The following DLG2 variants were observed in gnomAD, a reference collection of about 807,000 sequenced individuals.
DLG2 encodes the protein disks large homolog 2.
In DLG2, 45 loss-of-function variants were observed where a neutral mutation model predicts 132.5. The ratio of observed to expected loss-of-function variants is 0.34; its 90% CI spans 0.27 to 0.44. DLG2 has a LOEUF of 0.44. Ranked by LOEUF, DLG2 falls within the 20% of genes least tolerant of loss-of-function variation. The probability of loss-of-function intolerance (pLI) is 1.00; values close to 1 mark genes in which losing one functional copy is unlikely to be tolerated. For synonymous variants in DLG2, 424 were observed against 419.6 expected, an observed-to-expected ratio of 1.01 and a Z score of -0.13; for missense variants, 1,045 against 1,196.9, an observed-to-expected ratio of 0.87 and a Z score of 1.87.
At chr11:84,035,596 T>C (rs1267674566) in intron 11 of DLG2, among the ~76,000 whole-genome samples, 1 of 152,114 alleles carries the variant, frequency 6.6e-6, no homozygotes, top group Non-Finnish European at 1.5e-5. Context: ...GCCAAAGAGG[T>C]AGCCAGGGGC....
At chr11:84,482,067 C>T (rs2099139226) in intron 7 of DLG2, among the ~76,000 whole-genome samples, 1 of 152,128 alleles carries the variant, frequency 6.6e-6, no homozygotes, top group African/African-American at 2.4e-5. Flanking sequence ...TTCCAGCATA[C>T]TTCTAATATT....
chr11:84,454,099 G>T (rs1203669284), intron 7 of DLG2, among the ~76,000 whole-genome samples: 1 of 151,514 alleles, frequency 6.6e-6, no homozygotes. Flanking sequence ...AATTCAGGAG[G>T]ACTGAGTTAG....
chr11:83,517,882 G>A (rs1057168411), intron 21 of DLG2, among the ~76,000 whole-genome samples: 2 of 152,196 alleles, frequency 1.3e-5, no homozygotes, highest in African/African-American at 4.8e-5. Flanking sequence ...TCCTCTGGCA[G>A]TGTTGTCTCA....
At chr11:85,542,861 A>C (rs1336635303) in intron 3 of DLG2, among the ~76,000 whole-genome samples, 1 of 152,260 alleles carries the variant, frequency 6.6e-6, no homozygotes, top group Admixed American at 6.5e-5. Context: ...CAATAAGATA[A>C]ATATAAGTTG....
intron 6 of DLG2, among the ~76,000 whole-genome samples, chr11:85,059,135 T>G (rs909966700): frequency 6.6e-6 from 1 of 151,336 alleles, no homozygotes; most frequent in Non-Finnish European, 1.5e-5. Flanking sequence ...TCAGAATACA[T>G]ATAAATCAGT....
At chr11:83,957,637 T>C (rs2087251958) in intron 14 of DLG2, among the ~76,000 whole-genome samples, 1 of 151,676 alleles carries the variant, frequency 6.6e-6, no homozygotes, top group Non-Finnish European at 1.5e-5. Context: ...GAACTTAAAA[T>C]TAGACCTACA....
At chr11:84,093,033 CA>C (rs562763060) in intron 10 of DLG2, among the ~76,000 whole-genome samples, 4,374 of 87,486 alleles carry the variant, frequency 0.05, 153 homozygotes, top group African/African-American at 0.13. Flanking sequence ...GAGTCTCCGT[CA>C]AAAAAAAAAA....
At chr11:83,753,890 TATC>T (rs1446714149) in intron 18 of DLG2, among the ~76,000 whole-genome samples, 1 of 124,318 alleles carries the variant, frequency 8.0e-6, no homozygotes, top group African/African-American at 3.4e-5. Context: ...ATATCATATA[TATC>T]ATATATATAT....
intron 21 of DLG2, among the ~76,000 whole-genome samples, chr11:83,508,550 A>AT (rs1473676715): frequency 2.6e-5 from 4 of 151,374 alleles, no homozygotes; most frequent in Non-Finnish European, 5.9e-5. Context: ...GCCAGAATAT[A>AT]CATTCTTAAT....
intron 3 of DLG2, among the ~76,000 whole-genome samples, chr11:85,492,495 A>T (rs1238339704): frequency 6.6e-6 from 1 of 152,116 alleles, no homozygotes; most frequent in Non-Finnish European, 1.5e-5. Context: ...GACTAAGGTA[A>T]CCCCACTCAT....
In DLG2 at chr11:83,537,807, C is replaced by CAAAAA. The variant is rs1164386994; in HGVS notation, c.2117+3870_2117+3874dup. ...AGGCAACGAAAGTGAGACTCTGTCTCAAAAAAAAAAAAAAAAAAAAAAAAA... is the reference window on the plus strand; with the variant it reads ...AGGCAACGAAAGTGAGACTCTGTCTCAAAAAAAAAAAAAAAAAAAAAAAAAAAAAA... On this transcript the variant is annotated intron_variant, in intron 20 of 27. Transcript: ENST00000376104. Among the ~76,000 whole-genome samples the CAAAAA allele has an allele frequency of 4.5e-3, 82 of 18,252 alleles. 7 individuals are homozygous for CAAAAA. Among genetic ancestry groups the CAAAAA allele is most frequent in the Non-Finnish European group, 6.4e-3 (62 of 9,740 alleles). The allele number at this position is 18,252 out of a possible 152,430, so 12.0% of individuals were successfully genotyped here. A position where few individuals can be genotyped will look rare whatever the true frequency, so the allele number is the denominator to read the frequency against.
intron 4 of DLG2, among the ~76,000 whole-genome samples, chr11:85,250,944 G>T (rs564381811): frequency 1.3e-5 from 2 of 152,108 alleles, no homozygotes; most frequent in African/African-American, 4.8e-5. Flanking sequence ...CCTTGTACAG[G>T]GTGTCATTGG....
intron 4 of DLG2, among the ~76,000 whole-genome samples, chr11:85,271,941 A>G (rs1161260674): frequency 2.6e-5 from 4 of 152,072 alleles, no homozygotes; most frequent in African/African-American, 9.7e-5. Context: ...ACTTTGGGAG[A>G]CTTTTGGGAA....
chr11:84,188,182 A>G (rs1196858189), intron 8 of DLG2, among the ~76,000 whole-genome samples: 1 of 152,158 alleles, frequency 6.6e-6, no homozygotes, highest in Non-Finnish European at 1.5e-5. Context: ...TAGACTTCAA[A>G]ATATAGTTAT....
At position 85,114,905 on chromosome 11, in the gene DLG2, T is replaced by G. The variant is rs1376582224; in HGVS notation, c.283-3170A>C. On this transcript the variant is annotated intron_variant, in intron 5 of 27. Coordinates refer to ENST00000376104, the MANE Select transcript of DLG2 (RefSeq NM_001142699.3). ...AGTTTAGAAATGCTTATATATACATTGAGCCCTTTCATCCCCAGAAAAAGT... is the reference window on the plus strand; with the variant it reads ...AGTTTAGAAATGCTTATATATACATGGAGCCCTTTCATCCCCAGAAAAAGT... Among the ~76,000 whole-genome samples the G allele has an allele frequency of 3.9e-5, 6 of 152,038 alleles. No individual in the cohort carries two copies. The South Asian group carries it at 6.2e-4, about 16-fold the overall frequency.
At chr11:85,303,193 A>G (rs941311881) in intron 3 of DLG2, among the ~76,000 whole-genome samples, 18 of 152,214 alleles carry the variant, frequency 1.2e-4, no homozygotes, top group Non-Finnish European at 2.9e-5. Flanking sequence ...ACTTAAGGAA[A>G]ATTGAACACA....
intron 19 of DLG2, among the ~76,000 whole-genome samples, chr11:83,627,432 C>T (rs1435044673): frequency 2.6e-5 from 4 of 151,562 alleles, no homozygotes; most frequent in African/African-American, 9.7e-5. Context: ...TCTCATTGTT[C>T]AATTCCCACC....
intron 6 of DLG2, among the ~76,000 whole-genome samples, chr11:84,939,626 T>A (rs1591577473): frequency 6.6e-6 from 1 of 152,162 alleles, no homozygotes; most frequent in African/African-American, 2.4e-5. Flanking sequence ...GTCCATGAGT[T>A]CAATTGTTTT....
At chr11:84,431,584 T>G (rs575255831) in intron 7 of DLG2, among the ~76,000 whole-genome samples, 1 of 152,244 alleles carries the variant, frequency 6.6e-6, no homozygotes, top group South Asian at 2.1e-4. Flanking sequence ...AAATTCAGAA[T>G]AGGACACATA....
Sources: allele counts gnomAD v4.1 joint callset (sites outside exome capture counted in the v4.1 genomes callset), GRCh38; gene constraint gnomAD v4.1.1; transcripts MANE v1.5; gene names NCBI Gene and HGNC (gene_info 2026-07-23, HGNC 2026-07-21).